Variants in VPS16 observed in about 807,000 individuals in gnomAD.
VPS16 encodes VPS16 core subunit of CORVET and HOPS complexes, also known as vacuolar protein sorting-associated protein 16 homolog.
A neutral mutation model predicts 116.0 loss-of-function variants in VPS16; 82 were observed. The observed-to-expected ratio is 0.71, with a 90% confidence interval of 0.59 to 0.85. VPS16 has a LOEUF of 0.85. Among genes scored for constraint, VPS16 ranks in the 40% least tolerant of loss-of-function variants. The pLI is 0.00. For synonymous variants in VPS16, 406 were observed against 420.7 expected (o/e 0.96, Z 0.43); for missense variants, 928 against 1,090.6 (o/e 0.85, Z 2.10).
At chr20:2,841,384 C>G (rs1034003073) in intron 1 of VPS16, among the ~76,000 whole-genome samples, 1 of 152,208 alleles carries the variant, frequency 6.6e-6, no homozygotes, top group African/African-American at 2.4e-5. Context: ...TTTCCCATAG[C>G]TTCCCTAATA....
In VPS16 at chr20:2,847,481, A is replaced by ATTTTT. The variant is rs5839972; in HGVS notation, c.53+6666_53+6670dup. 4.8e-3 allele frequency among the ~76,000 whole-genome samples: 622 copies of ATTTTT among 128,710 alleles called. 4 individuals carry two copies. Among genetic ancestry groups the ATTTTT allele is most frequent in the African/African-American group, 0.016 (578 of 35,786 alleles). The allele number at this position is 128,710 out of a possible 152,430, so 84.4% of individuals were successfully genotyped here. ...ATGCTAAAATCAAACCGCCCCCTCT[A>ATTTTT]TTTTTTTTTTTTTTTTAAGACGGAC... On this transcript the variant is annotated intron_variant, in intron 1 of 23. Transcript: ENST00000380445.
chr20:2,848,149 A>G (rs996861970), intron 1 of VPS16, among the ~76,000 whole-genome samples: 1 of 152,196 alleles, frequency 6.6e-6, no homozygotes, highest in Non-Finnish European at 1.5e-5. Context: ...ACACATCCAC[A>G]GGCACCAAAC....
At chr20:2,845,586 G>GA (rs552691392) in intron 1 of VPS16, among the ~76,000 whole-genome samples, 3,997 of 139,666 alleles carry the variant, frequency 0.029, 142 homozygotes, top group African/African-American at 0.079. Context: ...TTGGGAGGCT[G>GA]AAAAAAAAAA....
chr20:2,854,652 T>C (rs2089154144), intron 1 of VPS16, among the ~76,000 whole-genome samples: 1 of 150,286 alleles, frequency 6.7e-6, no homozygotes, highest in Admixed American at 6.6e-5. Context: ...AAAAATTAGC[T>C]GGGCATGGTG....
rs1169322306 is a variant in VPS16, at chr20:2,860,151, G to C, written c.240G>C (p.Leu80=). 6.2e-6 allele frequency: 10 copies of C among 1,614,074 alleles called. No homozygotes were observed. Among genetic ancestry groups the C allele is most frequent in the Non-Finnish European group, 8.5e-6 (10 of 1,180,022 alleles). The change falls in exon 3 of 24, where the codon CTG becomes CTC. Residue 80 remains leucine, a splice_region_variant and synonymous_variant. Transcript: ENST00000380445. This position sits in a 1 kb window ranked among gnomAD's most constrained non-coding sequence, Gnocchi z 6.1. ...SASGMPLASL[L]WKSGPVVSLG... ...CCGGCATGCCTCTGGCCAGCCTGCTGGTGAGCACTTCTGATGGTCCCTGGG... is the reference window on the plus strand; with the variant it reads ...CCGGCATGCCTCTGGCCAGCCTGCTCGTGAGCACTTCTGATGGTCCCTGGG...
chr20:2,859,871 C>T, intron 2 of VPS16, 64 bp downstream of exon 2: 1 of 1,548,246 alleles, frequency 6.5e-7, no homozygotes, highest in African/African-American at 1.4e-5. Context: ...TCCTTGATTC[C>T]TGGGGCCCTG....
intron 1 of VPS16, among the ~76,000 whole-genome samples, chr20:2,842,745 T>C (rs372875788): frequency 4.3e-5 from 1 of 23,220 alleles, no homozygotes; most frequent in African/African-American, 1.9e-4. Context: ...TATAGATACA[T>C]ATAGATGTAT....
intron 1 of VPS16, among the ~76,000 whole-genome samples, chr20:2,841,643 G>A (rs2088975786): frequency 6.6e-6 from 1 of 152,150 alleles, no homozygotes; most frequent in Admixed American, 6.5e-5. Context: ...TCCCCCAATA[G>A]AATCCTGTGG....
intron 1 of VPS16, among the ~76,000 whole-genome samples, chr20:2,841,640 A>G (rs1011248024): frequency 3.3e-5 from 5 of 152,078 alleles, no homozygotes; most frequent in South Asian, 2.1e-4. Context: ...TTCTCCCCCA[A>G]TAGAATCCTG....
intron 1 of VPS16, among the ~76,000 whole-genome samples, chr20:2,842,601 C>T (rs11697539): frequency 0.24 from 33,482 of 142,328 alleles, 4,159 homozygotes; most frequent in East Asian, 0.37. Flanking sequence ...AGTGAGACTC[C>T]GTCTATATAT....
At chr20:2,852,737 C>T (rs568095862) in intron 1 of VPS16, among the ~76,000 whole-genome samples, 1 of 152,180 alleles carries the variant, frequency 6.6e-6, no homozygotes, top group African/African-American at 2.4e-5. Flanking sequence ...TACTTTATTG[C>T]TAAAATATGC....
rs1555795837 is a variant in VPS16 at position 2,842,892 on chromosome 20, A to AGATAGATAGATGTATCTATCGATC, written c.53+2076_53+2077insGTATCTATCGATCGATAGATAGAT. ...TAGATAGATAGATGTATCTATCGAT[A>AGATAGATAGATGTATCTATCGATC]GATAGATAGATATATGTTATGGATT... On this transcript the variant is annotated intron_variant, in intron 1 of 23. Transcript: ENST00000380445. Among the ~76,000 whole-genome samples the AGATAGATAGATGTATCTATCGATC allele has an allele frequency of 1.4e-5, 2 of 138,282 alleles. 1 individual carries two copies. The highest frequency in any genetic ancestry group is 3.0e-5 in the Non-Finnish European group (2 of 66,680). 90.7% of individuals were successfully genotyped at this position (138,282 alleles called of 152,430 possible).
In VPS16 at chr20:2,862,143, G is replaced by C; in HGVS notation, c.1071+13G>C. 1.9e-6 allele frequency: 3 copies of C among 1,611,360 alleles called. No individual in the cohort carries two copies. In the South Asian group the frequency reaches 3.3e-5, roughly 18 times the overall value. On this transcript the variant is annotated intron_variant, in intron 11 of 23. Coordinates refer to ENST00000380445, the MANE Select transcript of VPS16 (RefSeq NM_022575.4). ...GAAGGAGTATGAGGTAAAGCCCTGG[G>C]CTTCTCTCCCAGTCCCAGAATGGTT... is the stretch of plus-strand genomic sequence containing the variant.
At chr20:2,841,461 T>C (rs2088973119) in intron 1 of VPS16, among the ~76,000 whole-genome samples, 2 of 152,226 alleles carry the variant, frequency 1.3e-5, no homozygotes, top group Admixed American at 1.3e-4. Flanking sequence ...TCCAACCTCA[T>C]CTACCGCTCT....
In VPS16 at chr20:2,847,603, C is replaced by T. The variant is rs545451651; in HGVS notation, c.53+6776C>T. ...AAGCAAATCTCCTGCCTCAGCCTCC[C>T]GAGTAGCTGGGATTACAGGCATGCG... On this transcript the variant is annotated intron_variant, in intron 1 of 23. Coordinates refer to ENST00000380445, the MANE Select transcript of VPS16 (RefSeq NM_022575.4). 7.2e-5 allele frequency among the ~76,000 whole-genome samples: 11 copies of T among 152,056 alleles called. No homozygotes were observed. In the South Asian group the frequency reaches 1.5e-3, roughly 20 times the overall value.
intron 1 of VPS16, among the ~76,000 whole-genome samples, chr20:2,853,377 A>G (rs149934194): frequency 0.024 from 3,571 of 148,468 alleles, 85 homozygotes; most frequent in African/African-American, 0.061. Context: ...TGACAGAGCA[A>G]GACTCTGTCT....
At position 2,861,658 on chromosome 20, in the gene VPS16, T is replaced by C. The variant is rs2089229307; in HGVS notation, c.853T>C (p.Trp285Arg). The stretch of plus-strand genomic sequence containing the variant: ...CAAGGAGAGGGCCGTGGTGGTGGCC[T>C]GGGAAAGGCGGCTGATGGTGGTGGG... ...RSKERAVVVAWERRLMVVGDA... is the reference protein window; with the variant it reads ...RSKERAVVVARERRLMVVGDA... Residue 285 changes from tryptophan (W) to arginine (R), a missense_variant, in exon 9 of 24, where the codon TGG (tryptophan) becomes CGG (arginine). Trp to Arg is a moderately radical substitution (Grantham distance 101). Transcript: ENST00000380445. 6 of 1,613,122 alleles carry C rather than the reference T, an allele frequency of 3.7e-6. No homozygotes were observed. The highest frequency in any genetic ancestry group is 1.1e-5 in the South Asian group (1 of 90,910).
In VPS16 at chr20:2,864,885, G is replaced by T; in HGVS notation, c.1927-93G>T. The stretch of plus-strand genomic sequence containing the variant: ...AGGCAAGGCTGACCCTGGCGACCCT[G>T]GGCACAGGGATGGGGGAGAAGACTG... On this transcript the variant is annotated intron_variant, in intron 19 of 23. Coordinates refer to ENST00000380445, the MANE Select transcript of VPS16 (RefSeq NM_022575.4). The surrounding 1 kb of genome is among the most constrained non-coding windows in gnomAD (Gnocchi z 5.2). 1 of 1,561,088 alleles carries T rather than the reference G, an allele frequency of 6.4e-7. No homozygotes were observed. The highest frequency in any genetic ancestry group is 1.1e-5 in the South Asian group (1 of 89,516).
At chr20:2,842,250 G>A (rs909161762) in intron 1 of VPS16, among the ~76,000 whole-genome samples, 2 of 152,084 alleles carry the variant, frequency 1.3e-5, no homozygotes, top group African/African-American at 2.4e-5. Flanking sequence ...TGTAGGGACC[G>A]ATGTTAGAAC....
Sources: allele counts gnomAD v4.1 joint callset (sites outside exome capture counted in the v4.1 genomes callset), GRCh38; gene constraint gnomAD v4.1.1; non-coding constraint Gnocchi (gnomAD v3.1); transcripts MANE v1.5; gene names NCBI Gene and HGNC (gene_info 2026-07-23, HGNC 2026-07-21).